RTL10: variants seen among roughly 807,000 people sequenced by gnomAD.
The protein encoded by RTL10 is protein Bop.
For missense variants in RTL10, 477 were observed against 470.7 expected, an observed-to-expected ratio of 1.01 and a Z score of -0.12; for synonymous variants, 199 against 188.4, an observed-to-expected ratio of 1.06 and a Z score of -0.46.
At position 19,849,812 on chromosome 22, in the gene RTL10, G is replaced by A. The variant is rs1938052383; in HGVS notation, c.*1355C>T. 2 of 985,402 alleles carry A rather than the reference G, an allele frequency of 2.0e-6. No homozygotes were observed. Among genetic ancestry groups the A allele is most frequent in the African/African-American group, 3.5e-5 (2 of 57,326 alleles). The allele number at this position is 985,402 out of a possible 1,614,324, so 61.0% of individuals were successfully genotyped here. ...TTTTCACAATTGTAAACCTGAAAGG[G>A]ACTTGAACTTCTTGTCCAAGCACCA... On this transcript the variant is annotated 3_prime_UTR_variant, in exon 3 of 3. Coordinates refer to ENST00000328554, the MANE Select transcript of RTL10 (RefSeq NM_024627.6).
chr22:19,848,551 A>G lies in RTL10; in HGVS notation c.*2616T>C. On this transcript the variant is annotated 3_prime_UTR_variant, in exon 3 of 3. Coordinates refer to ENST00000328554, the MANE Select transcript of RTL10 (RefSeq NM_024627.6). ...ATCGTTGCCTCCACCCTACCTGTGCAGGAAACCTGGACATCACCACTTCAA... is the reference window on the plus strand; with the variant it reads ...ATCGTTGCCTCCACCCTACCTGTGCGGGAAACCTGGACATCACCACTTCAA... The G allele has an allele frequency of 1.0e-6, 1 of 985,528 alleles. No individual in the cohort carries two copies. The allele number at this position is 985,528 out of a possible 1,614,324, so 61.0% of individuals were successfully genotyped here. A position where few individuals can be genotyped will look rare whatever the true frequency, so the allele number is the denominator to read the frequency against.
chr22:19,850,188 G>T lies in RTL10; in HGVS notation c.*979C>A, dbSNP rs1938061131. The T allele has an allele frequency of 3.0e-6, 3 of 985,584 alleles. No individual in the cohort carries two copies. Among genetic ancestry groups the T allele is most frequent in the Admixed American group, 6.1e-5 (1 of 16,278 alleles). The allele number at this position is 985,584 out of a possible 1,614,324, so 61.1% of individuals were successfully genotyped here. A position where few individuals can be genotyped will look rare whatever the true frequency, so the allele number is the denominator to read the frequency against. On this transcript the variant is annotated 3_prime_UTR_variant, in exon 3 of 3. Coordinates refer to ENST00000328554, the MANE Select transcript of RTL10 (RefSeq NM_024627.6). ...CATGGCCAGGCCTCTGCTCCTGACA[G>T]AATGGGAAACAAAGACTTGCTGGTA...
At chr22:19,853,202 C>T (rs1033790652) in intron 2 of RTL10, among the ~76,000 whole-genome samples, 4 of 152,122 alleles carry the variant, frequency 2.6e-5, no homozygotes, top group African/African-American at 9.7e-5. Context: ...CAGTCCCCAT[C>T]CCAGCCACAG....
Position 19,848,859 on chromosome 22 carries a change from G to C in RTL10, c.*2308C>G, listed in dbSNP as rs1359990050. On this transcript the variant is annotated 3_prime_UTR_variant, in exon 3 of 3. Transcript: ENST00000328554. ...CTTCAGGTCCACTAAAGGGAGATGG[G>C]GAAGGTGGCCTGTCCAGAAGCCTGT... 9.1e-6 allele frequency: 9 copies of C among 985,372 alleles called. No individual in the cohort carries two copies. The highest frequency in any genetic ancestry group is 1.2e-6 in the Non-Finnish European group (1 of 829,988). The allele number at this position is 985,372 out of a possible 1,614,324, so 61.0% of individuals were successfully genotyped here. A position where few individuals can be genotyped will look rare whatever the true frequency, so the allele number is the denominator to read the frequency against.
rs1048749560 is a variant in RTL10, at chr22:19,850,529, C to A, written c.*638G>T. 3.0e-5 allele frequency: 32 copies of A among 1,079,962 alleles called. No homozygotes were observed. In the South Asian group the frequency reaches 1.2e-3, roughly 40 times the overall value. The allele number at this position is 1,079,962 out of a possible 1,614,324, so 66.9% of individuals were successfully genotyped here. A position where few individuals can be genotyped will look rare whatever the true frequency, so the allele number is the denominator to read the frequency against. ...GCTGAGCCTGGCAAGGGGCTTGCAT[C>A]CCACCTTCCTGCATCCAAACCTTCC... On this transcript the variant is annotated 3_prime_UTR_variant, in exon 3 of 3. Transcript: ENST00000328554.
Position 19,850,091 on chromosome 22 carries a change from T to C in RTL10, c.*1076A>G, listed in dbSNP as rs983684363. 8.1e-6 allele frequency: 8 copies of C among 983,226 alleles called. No homozygotes were observed. The highest frequency in any genetic ancestry group is 9.7e-6 in the Non-Finnish European group (8 of 828,472). 60.9% of individuals were successfully genotyped at this position (983,226 alleles called of 1,614,324 possible). On this transcript the variant is annotated 3_prime_UTR_variant, in exon 3 of 3. Transcript: ENST00000328554. ...CACCCCCTACTCAGCCCCACCCAGC[T>C]TCTTTGATCAGACCCTTGGACCCTC...
rs1222137310 is a variant in RTL10 at position 19,848,831 on chromosome 22, C to A, written c.*2336G>T. The A allele has an allele frequency of 2.0e-6, 2 of 985,142 alleles. No individual in the cohort carries two copies. Among genetic ancestry groups the A allele is most frequent in the Non-Finnish European group, 2.4e-6 (2 of 829,686 alleles). 61.0% of individuals were successfully genotyped at this position (985,142 alleles called of 1,614,324 possible). On this transcript the variant is annotated 3_prime_UTR_variant, in exon 3 of 3. Coordinates refer to ENST00000328554, the MANE Select transcript of RTL10 (RefSeq NM_024627.6). ...AGGCAGCAATCCCAGGCTGGAGTATCCACTTCAGGTCCACTAAAGGGAGAT... is the reference window on the plus strand; with the variant it reads ...AGGCAGCAATCCCAGGCTGGAGTATACACTTCAGGTCCACTAAAGGGAGAT...
chr22:19,852,298 C>T lies in RTL10; in HGVS notation c.-37G>A, dbSNP rs1938127181. 6.4e-7 allele frequency: 1 copy of T among 1,569,514 alleles called. No homozygotes were observed. Among genetic ancestry groups the T allele is most frequent in the South Asian group, 1.2e-5 (1 of 83,356 alleles). Reference sequence around the variant, plus strand: ...AGGGGAGAAGAGAGGAGAGCCAGCACTGGTGGGTGGTGGGGGTGTGGACAG... The same window carrying T: ...AGGGGAGAAGAGAGGAGAGCCAGCATTGGTGGGTGGTGGGGGTGTGGACAG... On this transcript the variant is annotated 5_prime_UTR_variant, in exon 3 of 3. In the 5' UTR this introduces an upstream ATG that the reference lacks. Coordinates refer to ENST00000328554, the MANE Select transcript of RTL10 (RefSeq NM_024627.6).
In RTL10 at chr22:19,848,950, T is replaced by C. The variant is rs1938029210; in HGVS notation, c.*2217A>G. On this transcript the variant is annotated 3_prime_UTR_variant, in exon 3 of 3. Transcript: ENST00000328554. ...CCTAGAGAGCAACTCTGGGTTCTACTGCCAGACCCACAGGTGAGCCAGGCC... is the reference window on the plus strand; with the variant it reads ...CCTAGAGAGCAACTCTGGGTTCTACCGCCAGACCCACAGGTGAGCCAGGCC... 1 of 985,390 alleles carries C rather than the reference T, an allele frequency of 1.0e-6. No individual in the cohort carries two copies. Among genetic ancestry groups the C allele is most frequent in the South Asian group, 4.7e-5 (1 of 21,290 alleles). 61.0% of individuals were successfully genotyped at this position (985,390 alleles called of 1,614,324 possible).
chr22:19,848,607 AC>A lies in RTL10; in HGVS notation c.*2559del, dbSNP rs1226093262. 5 of 985,372 alleles carry A rather than the reference AC, an allele frequency of 5.1e-6. No homozygotes were observed. Among genetic ancestry groups the A allele is most frequent in the Admixed American group, 1.2e-4 (2 of 16,266 alleles). 61.0% of individuals were successfully genotyped at this position (985,372 alleles called of 1,614,324 possible). A position where few individuals can be genotyped will look rare whatever the true frequency, so the allele number is the denominator to read the frequency against. The stretch of plus-strand genomic sequence containing the variant: ...TACCTTCCTTTCTGGGCAGAGCCCA[AC>A]CACAATAAACAGGACGCGTTTTAAT... On this transcript the variant is annotated 3_prime_UTR_variant, in exon 3 of 3. Transcript: ENST00000328554.
rs745917857 is a variant in RTL10 at position 19,849,597 on chromosome 22, C to A, written c.*1570G>T. The A allele has an allele frequency of 8.4e-6, 6 of 712,228 alleles. No individual in the cohort carries two copies. Among genetic ancestry groups the A allele is most frequent in the Non-Finnish European group, 1.0e-5 (6 of 580,668 alleles). 44.1% of individuals were successfully genotyped at this position (712,228 alleles called of 1,614,324 possible). On this transcript the variant is annotated 3_prime_UTR_variant, in exon 3 of 3. Coordinates refer to ENST00000328554, the MANE Select transcript of RTL10 (RefSeq NM_024627.6). ...GGTCAGGCTGGTCTTGAACTCCTGA[C>A]CTCAGGTGATCCACCCACCTTGGCC...
In RTL10 at chr22:19,851,684, G is replaced by A; in HGVS notation, c.578C>T (p.Thr193Ile). Residue 193 changes from threonine to isoleucine, a missense_variant, in exon 3 of 3, where the codon ACC becomes ATC. Coordinates refer to ENST00000328554, the MANE Select transcript of RTL10 (RefSeq NM_024627.6). ...NSFAEYHAVV[T>I]CPLPLASSQL... ...GCTGGAGGCCAGGGGCAGGGGACAGGTAACCACAGCATGGTACTCAGCAAA... is the reference window on the plus strand; with the variant it reads ...GCTGGAGGCCAGGGGCAGGGGACAGATAACCACAGCATGGTACTCAGCAAA... 2 of 1,597,814 alleles carry A rather than the reference G, an allele frequency of 1.3e-6. No individual in the cohort carries two copies. Among genetic ancestry groups the A allele is most frequent in the African/African-American group, 1.3e-5 (1 of 74,604 alleles).
intron 2 of RTL10, among the ~76,000 whole-genome samples, chr22:19,854,035 T>C (rs1385507926): frequency 6.6e-6 from 1 of 152,190 alleles, no homozygotes. Flanking sequence ...AAGGCTTCCC[T>C]GCACCAGCCA....
In RTL10 at chr22:19,850,771, G is replaced by T; in HGVS notation, c.*396C>A. 1 of 1,251,844 alleles carries T rather than the reference G, an allele frequency of 8.0e-7. No individual in the cohort carries two copies. Among genetic ancestry groups the T allele is most frequent in the Non-Finnish European group, 1.0e-6 (1 of 1,000,384 alleles). 77.5% of individuals were successfully genotyped at this position (1,251,844 alleles called of 1,614,324 possible). A position where few individuals can be genotyped will look rare whatever the true frequency, so the allele number is the denominator to read the frequency against. The stretch of plus-strand genomic sequence containing the variant: ...AGGTCCCAACAGGGCAGACGTGGCA[G>T]ACCCAGTTCAGTCCCAGCCAGTGTG... On this transcript the variant is annotated 3_prime_UTR_variant, in exon 3 of 3. Coordinates refer to ENST00000328554, the MANE Select transcript of RTL10 (RefSeq NM_024627.6).
chr22:19,847,805 A>G lies in RTL10; in HGVS notation c.*3362T>C, dbSNP rs897743993. The G allele has an allele frequency of 2.7e-5, 4 of 147,422 alleles. No homozygotes were observed. The highest frequency in any genetic ancestry group is 2.0e-4 in the African/African-American group (4 of 19,532). 9.1% of individuals were successfully genotyped at this position (147,422 alleles called of 1,614,324 possible). A position where few individuals can be genotyped will look rare whatever the true frequency, so the allele number is the denominator to read the frequency against. ...CTTTTAAAATCCTGGAATCATAGGCAAAAAAAAAAAAAAAAAAAAATTCAC... is the reference window on the plus strand; with the variant it reads ...CTTTTAAAATCCTGGAATCATAGGCGAAAAAAAAAAAAAAAAAAAATTCAC... On this transcript the variant is annotated 3_prime_UTR_variant, in exon 3 of 3. Transcript: ENST00000328554.
In RTL10 at chr22:19,850,840, G is replaced by A; in HGVS notation, c.*327C>T. 7.6e-7 allele frequency: 1 copy of A among 1,307,424 alleles called. No individual in the cohort carries two copies. Among genetic ancestry groups the A allele is most frequent in the Non-Finnish European group, 9.7e-7 (1 of 1,032,648 alleles). The allele number at this position is 1,307,424 out of a possible 1,614,324, so 81.0% of individuals were successfully genotyped here. ...GTTTTATGGGGGTGGAGGTGACAAA[G>A]ATGATGCAACTATCTGCTGAGAGTT... On this transcript the variant is annotated 3_prime_UTR_variant, in exon 3 of 3. Coordinates refer to ENST00000328554, the MANE Select transcript of RTL10 (RefSeq NM_024627.6).
Position 19,847,653 on chromosome 22 carries a change from C to G in RTL10, c.*3514G>C. On this transcript the variant is annotated 3_prime_UTR_variant, in exon 3 of 3. Transcript: ENST00000328554. The stretch of plus-strand genomic sequence containing the variant: ...ACCCCTGGCAAGAGCCTTCATGCAC[C>G]TAGCAAGTAGTCACAGCATGCATGT... 2.0e-6 allele frequency: 2 copies of G among 985,106 alleles called. No homozygotes were observed. Among genetic ancestry groups the G allele is most frequent in the Non-Finnish European group, 2.4e-6 (2 of 829,756 alleles). 61.0% of individuals were successfully genotyped at this position (985,106 alleles called of 1,614,324 possible). A position where few individuals can be genotyped will look rare whatever the true frequency, so the allele number is the denominator to read the frequency against.
In RTL10 at chr22:19,851,792, T is replaced by G. The variant is rs373296561; in HGVS notation, c.470A>C (p.Tyr157Ser). The change falls in exon 3 of 3, where the codon TAC (tyrosine) becomes TCC (serine). Residue 157 changes from tyrosine to serine, a missense_variant. Physicochemically the swap from Tyr to Ser is moderately radical, Grantham distance 144. Transcript: ENST00000328554. ...TGRAQAWAAP[Y>S]LDGDLPLPDD... ...AGGCAGGGGCAGGTCCCCATCAAGG[T>G]AGGGGGCTGCCCAGGCCTGGGCTCG... The G allele has an allele frequency of 3.1e-6, 5 of 1,613,732 alleles. No homozygotes were observed. The African/African-American group carries it at 6.7e-5, about 22-fold the overall frequency.
rs1025794214 is a variant in RTL10, at chr22:19,848,756, C to T, written c.*2411G>A. On this transcript the variant is annotated 3_prime_UTR_variant, in exon 3 of 3. Transcript: ENST00000328554. ...CACACCCCCAGGAGCTGCCTGGGTC[C>T]CAAGGGCACAAAAGCCCCAAAGCCC... The T allele has an allele frequency of 1.0e-6, 1 of 985,384 alleles. No homozygotes were observed. Among genetic ancestry groups the T allele is most frequent in the African/African-American group, 1.7e-5 (1 of 57,224 alleles). The allele number at this position is 985,384 out of a possible 1,614,324, so 61.0% of individuals were successfully genotyped here.
Sources: gnomAD v4.1 joint callset for allele counts (sites outside exome capture counted in the v4.1 genomes callset) on GRCh38, gnomAD v4.1.1 for gene constraint, MANE v1.5 for transcripts, NCBI Gene and HGNC (gene_info 2026-07-23, HGNC 2026-07-21) for gene names.